SAMSN1: variants seen among roughly 807,000 people sequenced by gnomAD.
SAMSN1 encodes the protein SAM domain-containing protein SAMSN-1.
A neutral mutation model predicts 42.0 loss-of-function variants in SAMSN1; 31 were observed. That is an observed-to-expected ratio of 0.74 (90% confidence interval 0.55 to 1.00). The LOEUF (loss-of-function observed/expected upper bound fraction) is 1.00. Ranked by LOEUF, SAMSN1 falls within the 50% of genes least tolerant of loss-of-function variation. SAMSN1 has a pLI of 0.00. For synonymous variants in SAMSN1, 178 were observed against 151.9 expected (o/e 1.17, Z -1.26); for missense variants, 464 against 439.4 (o/e 1.06, Z -0.50).
chr21:14,539,790 C>G (rs1050596152), intron 1 of SAMSN1, among the ~76,000 whole-genome samples: 3 of 152,192 alleles, frequency 2.0e-5, no homozygotes, highest in Non-Finnish European at 4.4e-5. Flanking sequence ...TCGGAAAAAA[C>G]TACTTTGAAG....
intron 2 of SAMSN1, among the ~76,000 whole-genome samples, chr21:14,578,680 CAAAAAAAA>C (rs769354531): frequency 1.1e-4 from 7 of 63,726 alleles, no homozygotes; most frequent in African/African-American, 3.1e-4. Context: ...GAGAATCCAT[CAAAAAAAA>C]AAAAAAAAAA....
intron 2 of SAMSN1, chr21:14,581,986 G>A (rs1175790097): frequency 1.3e-5 from 8 of 638,718 alleles, no homozygotes; most frequent in Non-Finnish European, 2.0e-5. Flanking sequence ...AGTCACAAGA[G>A]TTTGGTTGCT....
chr21:14,510,669 A>T lies in SAMSN1; in HGVS notation c.410-208T>A, dbSNP rs1024534384. Among the ~76,000 whole-genome samples, 3 of 132,978 alleles carry T rather than the reference A, an allele frequency of 2.3e-5. No homozygotes were observed. In the East Asian group the frequency reaches 6.5e-4, roughly 29 times the overall value. The allele number at this position is 132,978 out of a possible 152,430, so 87.2% of individuals were successfully genotyped here. ...GCCATTTCGAACCTTTTTCCTGCCA[A>T]TCTGGCCACTCTCCTCTATCACTAA... On this transcript the variant is annotated intron_variant, in intron 4 of 7. Coordinates refer to ENST00000400566, the MANE Select transcript of SAMSN1 (RefSeq NM_022136.5).
chr21:14,597,191 A>G (rs903183119), intron 6 of SAMSN1, among the ~76,000 whole-genome samples: 5 of 151,920 alleles, frequency 3.3e-5, no homozygotes, highest in African/African-American at 1.2e-4. Context: ...GTCTGATAAA[A>G]CCTAGTGAAA....
chr21:14,582,164 C>G (rs1213952754), exon 2 of SAMSN1: 1 of 1,549,696 alleles, frequency 6.5e-7, no homozygotes, highest in South Asian at 1.2e-5. Context: ...CATATCTGAG[C>G]AGGAAGACTT....
intron 4 of SAMSN1, among the ~76,000 whole-genome samples, chr21:14,610,079 G>C (rs2123320764): frequency 6.6e-6 from 1 of 152,222 alleles, no homozygotes; most frequent in East Asian, 1.9e-4. Flanking sequence ...TTAAGAACAG[G>C]ATAACAGCAA....
intron 2 of SAMSN1, among the ~76,000 whole-genome samples, chr21:14,557,857 A>G (rs1035085055): frequency 2.6e-5 from 4 of 152,200 alleles, no homozygotes; most frequent in Non-Finnish European, 4.4e-5. Flanking sequence ...AAGCTTTTCC[A>G]TCTGCGGGAA....
In SAMSN1 at chr21:14,537,612, G is replaced by T. The variant is rs186308027; in HGVS notation, c.57+8593C>A. On this transcript the variant is annotated intron_variant, in intron 1 of 7. Coordinates refer to ENST00000400566, the MANE Select transcript of SAMSN1 (RefSeq NM_022136.5). ...AGTCTTTTGAAAAGTAGAAAAAAGT[G>T]CTGCCAGGTTGGAAAACTTTAAAAA... Among the ~76,000 whole-genome samples, 56 of 152,236 alleles carry T rather than the reference G, an allele frequency of 3.7e-4. No individual in the cohort carries two copies. The East Asian group carries it at 0.01, about 28-fold the overall frequency.
At chr21:14,624,819 A>G (rs1475220862) in intron 2 of SAMSN1, among the ~76,000 whole-genome samples, 3 of 152,184 alleles carry the variant, frequency 2.0e-5, no homozygotes, top group Non-Finnish European at 4.4e-5. Flanking sequence ...GAAGAGACAC[A>G]ACCAAAAAAG....
intron 5 of SAMSN1, among the ~76,000 whole-genome samples, chr21:14,607,468 G>A (rs1027529283): frequency 6.6e-6 from 1 of 152,078 alleles, no homozygotes; most frequent in Admixed American, 6.5e-5. Flanking sequence ...TCCTAGCATG[G>A]CATTAATTTC....
intron 7 of SAMSN1, among the ~76,000 whole-genome samples, chr21:14,487,859 T>C (rs550898265): frequency 7.9e-4 from 120 of 152,294 alleles, no homozygotes; most frequent in African/African-American, 2.7e-3. Context: ...TAGGCACCTA[T>C]TGTGATTGTT....
At chr21:14,581,307 C>T (rs1277671065) in intron 2 of SAMSN1, among the ~76,000 whole-genome samples, 1 of 139,864 alleles carries the variant, frequency 7.1e-6, no homozygotes, top group Non-Finnish European at 1.5e-5. Context: ...TTTGTGCCTC[C>T]ATTTTCTCAA....
intron 2 of SAMSN1, among the ~76,000 whole-genome samples, chr21:14,622,279 T>G (rs543743304): frequency 6.6e-6 from 1 of 152,328 alleles, no homozygotes; most frequent in South Asian, 2.1e-4. Flanking sequence ...GGACAATGAC[T>G]TTGACAAGTT....
chr21:14,570,473 T>C (rs1169507983), intron 2 of SAMSN1, among the ~76,000 whole-genome samples: 1 of 152,176 alleles, frequency 6.6e-6, no homozygotes, highest in Non-Finnish European at 1.5e-5. Context: ...TGGCTATGAG[T>C]TTCTGAGCTT....
chr21:14,529,204 T>A (rs1357780634), intron 1 of SAMSN1, among the ~76,000 whole-genome samples: 1 of 152,204 alleles, frequency 6.6e-6, no homozygotes, highest in Non-Finnish European at 1.5e-5. Flanking sequence ...TTCCACCTAC[T>A]CAAACCCAGC....
At chr21:14,598,313 C>T (rs1982329522) in intron 6 of SAMSN1, 1 of 152,082 alleles carries the variant, frequency 6.6e-6, no homozygotes, top group Non-Finnish European at 1.5e-5. Context: ...TATATTAGCC[C>T]AAAGTCTGTA....
At chr21:14,658,136 C>A (rs1436158136) in intron 1 of SAMSN1, among the ~76,000 whole-genome samples, 4 of 151,772 alleles carry the variant, frequency 2.6e-5, no homozygotes, top group African/African-American at 9.7e-5. Context: ...ATTTTCAGAT[C>A]CATGACTACC....
intron 2 of SAMSN1, among the ~76,000 whole-genome samples, chr21:14,562,957 T>C (rs963368758): frequency 1.3e-5 from 2 of 152,204 alleles, no homozygotes; most frequent in African/African-American, 4.8e-5. Context: ...CCTAAGTCTA[T>C]GTACTCTTTA....
chr21:14,569,011 G>C (rs920614426), intron 2 of SAMSN1, among the ~76,000 whole-genome samples: 1 of 152,070 alleles, frequency 6.6e-6, no homozygotes, highest in Non-Finnish European at 1.5e-5. Context: ...CATTAAAAAG[G>C]CTAGGCATAG....
Sources: gnomAD v4.1 joint callset for allele counts (sites outside exome capture counted in the v4.1 genomes callset) on GRCh38, gnomAD v4.1.1 for gene constraint, MANE v1.5 for transcripts, NCBI Gene and HGNC (gene_info 2026-07-23, HGNC 2026-07-21) for gene names.